ZMYND11: variants seen among roughly 807,000 people sequenced by gnomAD.
ZMYND11 encodes zinc finger MYND-type containing 11.
Under a neutral mutation model 84.9 loss-of-function variants are expected in ZMYND11, and 9 were observed. The ratio of observed to expected loss-of-function variants is 0.11; its 90% CI spans 0.06 to 0.18. The LOEUF (loss-of-function observed/expected upper bound fraction) is 0.18, where lower values mean the gene tolerates loss of function less well. Among genes scored for constraint, ZMYND11 ranks in the 10% least tolerant of loss-of-function variants. ZMYND11 has a pLI of 1.00. For missense variants in ZMYND11, 409 were observed against 761.0 expected, an observed-to-expected ratio of 0.54 and a Z score of 5.44; for synonymous variants, 250 against 244.1, an observed-to-expected ratio of 1.02 and a Z score of -0.23.
Position 188,876 on chromosome 10 carries a change from T to A in ZMYND11, c.116+8748T>A, listed in dbSNP as rs139303553. 3.2e-3 allele frequency among the ~76,000 whole-genome samples: 491 copies of A among 152,272 alleles called. 5 individuals are homozygous for A. The highest frequency in any genetic ancestry group is 0.011 in the African/African-American group (446 of 41,548). ...TCTACTGGCATTGTTGGCTAGAGTGTGTGATTGAGGGAGGTTGGCTTGTTA... is the reference window on the plus strand; with the variant it reads ...TCTACTGGCATTGTTGGCTAGAGTGAGTGATTGAGGGAGGTTGGCTTGTTA... On this transcript the variant is annotated intron_variant, in intron 2 of 14. Coordinates refer to ENST00000381604, the MANE Select transcript of ZMYND11 (RefSeq NM_001370100.5).
At chr10:236,110 C>T (rs1949913399) in intron 4 of ZMYND11, among the ~76,000 whole-genome samples, 1 of 152,216 alleles carries the variant, frequency 6.6e-6, no homozygotes, top group South Asian at 2.1e-4. Context: ...GCAGTATGAA[C>T]TGATGATGTT....
chr10:243,975 C>T (rs538879408), intron 10 of ZMYND11, among the ~76,000 whole-genome samples: 1 of 152,108 alleles, frequency 6.6e-6, no homozygotes, highest in East Asian at 1.9e-4. Flanking sequence ...ATTTTTTTTC[C>T]GTCAAGCTTC....
intron 2 of ZMYND11, among the ~76,000 whole-genome samples, chr10:205,750 A>C (rs148429942): frequency 9.9e-5 from 15 of 151,656 alleles, no homozygotes; most frequent in African/African-American, 3.6e-4. Flanking sequence ...TTTTAACAGC[A>C]TTGCTTTAGC....
intron 14 of ZMYND11, chr10:249,621 C>A: frequency 1.0e-6 from 1 of 985,398 alleles, no homozygotes; most frequent in Non-Finnish European, 1.2e-6. Context: ...TCGTGTCCTG[C>A]TCGCCAGTCT....
intron 3 of ZMYND11, among the ~76,000 whole-genome samples, chr10:220,295 C>T (rs139692639): frequency 2.0e-5 from 3 of 152,114 alleles, no homozygotes; most frequent in African/African-American, 7.2e-5. Flanking sequence ...TTGGTTACTA[C>T]ATCTACAAAT....
At chr10:148,886 A>C (rs1182896515) in intron 1 of ZMYND11, 1 of 152,210 alleles carries the variant, frequency 6.6e-6, no homozygotes, top group African/African-American at 2.4e-5. Flanking sequence ...CTGTGTTTTT[A>C]AAGTGTGCTA....
At chr10:234,982 A>ATGTATGTGTG (rs1554786689) in intron 4 of ZMYND11, among the ~76,000 whole-genome samples, 6 of 148,884 alleles carry the variant, frequency 4.0e-5, no homozygotes, top group South Asian at 2.2e-4. Context: ...TATTTCGCAA[A>ATGTATGTGTG]TGTGTGTGTG....
intron 2 of ZMYND11, among the ~76,000 whole-genome samples, chr10:192,336 C>G (rs1406382500): frequency 6.6e-6 from 1 of 152,200 alleles, no homozygotes; most frequent in Non-Finnish European, 1.5e-5. Flanking sequence ...GCTCCTCCTG[C>G]AGCCCTGTAG....
At chr10:155,608 A>G (rs1841510255) in intron 1 of ZMYND11, among the ~76,000 whole-genome samples, 1 of 152,200 alleles carries the variant, frequency 6.6e-6, no homozygotes, top group South Asian at 2.1e-4. Context: ...ACACACGAAA[A>G]AGGTTTTGCT....
intron 4 of ZMYND11, among the ~76,000 whole-genome samples, chr10:233,427 C>G (rs78322241): frequency 0.018 from 2,686 of 152,242 alleles, 78 homozygotes; most frequent in African/African-American, 0.062. Context: ...TTGGCCTGTT[C>G]TAGAACTTTT....
chr10:239,412 G>T, intron 6 of ZMYND11, 26 bp from the exon 7 acceptor site: 1 of 1,595,058 alleles, frequency 6.3e-7, no homozygotes, highest in Non-Finnish European at 8.6e-7. Flanking sequence ...AACTCTTTTC[G>T]TCATTCTGTT....
At chr10:216,914 C>T (rs11251016) in intron 3 of ZMYND11, among the ~76,000 whole-genome samples, 35,528 of 151,518 alleles carry the variant, frequency 0.23, 4,471 homozygotes, top group South Asian at 0.32. Flanking sequence ...AATATGTAAC[C>T]ATCAGATTAT....
intron 2 of ZMYND11, chr10:197,867 CAAAGG>C (rs1942177902): frequency 1.8e-6 from 1 of 543,720 alleles, no homozygotes; most frequent in South Asian, 2.4e-5. Flanking sequence ...TTTCCAACTA[CAAAGG>C]AAAGTGACTA....
chr10:199,777 T>G (rs1177718167), intron 2 of ZMYND11, among the ~76,000 whole-genome samples: 3 of 152,216 alleles, frequency 2.0e-5, no homozygotes, highest in Admixed American at 6.5e-5. Flanking sequence ...CTGCATAGTA[T>G]TCTATCAAGT....
intron 4 of ZMYND11, among the ~76,000 whole-genome samples, chr10:227,445 CTTTATCA>C (rs1948323625): frequency 6.6e-6 from 1 of 152,206 alleles, no homozygotes; most frequent in Admixed American, 6.5e-5. Flanking sequence ...CCACCTGGAG[CTTTATCA>C]ATTGGGTACA....
chr10:225,548 G>A (rs1052543158), intron 4 of ZMYND11, among the ~76,000 whole-genome samples: 1 of 152,078 alleles, frequency 6.6e-6, no homozygotes, highest in African/African-American at 2.4e-5. Context: ...GGGTCTCGCT[G>A]TATTGCCCTG....
chr10:187,015 A>T (rs901653341), intron 2 of ZMYND11, among the ~76,000 whole-genome samples: 1 of 151,880 alleles, frequency 6.6e-6, no homozygotes, highest in African/African-American at 2.4e-5. Context: ...ATCGCTTGAG[A>T]GTAGGAGTTT....
chr10:234,583 TTAGA>T (rs1949601440), intron 4 of ZMYND11, among the ~76,000 whole-genome samples: 1 of 148,898 alleles, frequency 6.7e-6, no homozygotes, highest in Non-Finnish European at 1.5e-5. Flanking sequence ...ATGTCTGAGT[TTAGA>T]TAAATTCATA....
intron 1 of ZMYND11, among the ~76,000 whole-genome samples, chr10:164,130 C>T (rs1164915830): frequency 2.0e-5 from 3 of 152,162 alleles, no homozygotes; most frequent in African/African-American, 4.8e-5. Context: ...ATATTGCAAT[C>T]CAAGCTACTT....
Sources: allele counts gnomAD v4.1 joint callset (sites outside exome capture counted in the v4.1 genomes callset), GRCh38; gene constraint gnomAD v4.1.1; transcripts MANE v1.5; gene names NCBI Gene and HGNC (gene_info 2026-07-23, HGNC 2026-07-21).